IL2RB: variants seen among roughly 807,000 people sequenced by gnomAD.
The protein encoded by IL2RB is interleukin 2 receptor subunit beta, also known as interleukin-2 receptor subunit beta.
IL2RB carries 17 observed loss-of-function variants against 44.2 expected under a neutral mutation model. That is an observed-to-expected ratio of 0.38 (90% CI 0.26 to 0.58). IL2RB has a LOEUF of 0.58. Ranked by LOEUF, IL2RB falls within the 20% of genes least tolerant of loss-of-function variation. The pLI is 0.63. For synonymous variants in IL2RB, 286 were observed against 297.9 expected (o/e 0.96, Z 0.41); for missense variants, 624 against 685.5 (o/e 0.91, Z 1.00).
In IL2RB at chr22:37,135,425, T is replaced by A; in HGVS notation, c.721A>T (p.Ile241Phe). 1 of 1,613,234 alleles carries A rather than the reference T, an allele frequency of 6.2e-7. No homozygotes were observed. The highest frequency in any genetic ancestry group is 8.5e-7 in the Non-Finnish European group (1 of 1,179,318). The change falls in exon 8 of 10, where the codon ATT (isoleucine) becomes TTT (phenylalanine). Residue 241 changes from isoleucine to phenylalanine, a missense_variant. By Grantham distance (21) the Ile-to-Phe change is conservative. Around this residue, in one of 3 missense-constraint regions of IL2RB, gnomAD observed 255 missense variants for 339.9 expected, o/e 0.75. Coordinates refer to ENST00000216223, the MANE Select transcript of IL2RB (RefSeq NM_000878.5). ...ACGAGGAGGTGGCCGAGCCACGGAA[T>A]GGTGTCCTTCCCAAGGGCTGCCCAG... ...TKPAALGKDT[I>F]PWLGHLLVGL...
chr22:37,148,485 C>T (rs1257578420), intron 1 of IL2RB, among the ~76,000 whole-genome samples: 2 of 152,182 alleles, frequency 1.3e-5, no homozygotes, highest in Admixed American at 6.5e-5. Flanking sequence ...GTCACACCCA[C>T]GGATGCCTAC....
In IL2RB at chr22:37,143,644, C is replaced by T; in HGVS notation, c.89-9G>A. 1.2e-6 allele frequency: 2 copies of T among 1,600,462 alleles called. No homozygotes were observed. The highest frequency in any genetic ancestry group is 1.1e-5 in the South Asian group (1 of 90,792). ...TGTGAACTGGGAAGTGCCTGCCGGG[C>T]AAGATGAGGTGTGAGTGCTGACTGT... On this transcript the variant is annotated splice_polypyrimidine_tract_variant and intron_variant, in intron 2 of 9. Coordinates refer to ENST00000216223, the MANE Select transcript of IL2RB (RefSeq NM_000878.5).
chr22:37,164,633 A>G (rs1243040251), intron 1 of IL2RB, among the ~76,000 whole-genome samples: 1 of 152,008 alleles, frequency 6.6e-6, no homozygotes, highest in African/African-American at 2.4e-5. Context: ...TCTCGCTTGA[A>G]ATCACCTCCT....
intron 1 of IL2RB, among the ~76,000 whole-genome samples, chr22:37,167,454 T>C (rs1186568594): frequency 2.6e-5 from 4 of 152,374 alleles, no homozygotes; most frequent in Middle Eastern, 3.4e-3. Flanking sequence ...GCTGCACTTA[T>C]GCAGTATCCA....
At chr22:37,160,899 T>G (rs1027325556) in intron 1 of IL2RB, among the ~76,000 whole-genome samples, 2 of 152,112 alleles carry the variant, frequency 1.3e-5, no homozygotes, top group African/African-American at 4.8e-5. Flanking sequence ...CCCAGCATTT[T>G]GGGAGGCCAA....
chr22:37,158,773 G>A (rs1031620607), intron 1 of IL2RB, among the ~76,000 whole-genome samples: 2 of 152,228 alleles, frequency 1.3e-5, no homozygotes, highest in Non-Finnish European at 2.9e-5. Flanking sequence ...TACCTGCACT[G>A]AGCCACTCAG....
At chr22:37,132,866 G>A (rs1441992247) in intron 8 of IL2RB, among the ~76,000 whole-genome samples, 1 of 152,240 alleles carries the variant, frequency 6.6e-6, no homozygotes, top group Non-Finnish European at 1.5e-5. Flanking sequence ...GGAGGCGGGA[G>A]AGAGGAGATG....
intron 3 of IL2RB, chr22:37,142,858 C>A: frequency 5.0e-6 from 2 of 399,042 alleles, no homozygotes; most frequent in African/African-American, 4.1e-5. Flanking sequence ...CCTTCAGAGC[C>A]GTGTGGAATC....
At position 37,128,161 on chromosome 22, in the gene IL2RB, G is replaced by A; in HGVS notation, c.1591C>T (p.Leu531=). The part of the protein sequence containing the change: ...EFRALNARLP[L]NTDAYLSLQE... The stretch of plus-strand genomic sequence containing the variant: ...AGGGACAAGTAGGCATCAGTGTTCA[G>A]GGGCAGGCGAGCATTAAGGGCCCTG... Residue 531 remains leucine, a synonymous_variant, in exon 10 of 10, where the codon CTG becomes TTG. Transcript: ENST00000216223. This position sits in a 1 kb window ranked among gnomAD's most constrained non-coding sequence, Gnocchi z 4.5. 6.4e-7 allele frequency: 1 copy of A among 1,570,834 alleles called. No individual in the cohort carries two copies.
At chr22:37,166,125 C>A (rs754941103) in intron 1 of IL2RB, among the ~76,000 whole-genome samples, 1 of 152,218 alleles carries the variant, frequency 6.6e-6, no homozygotes, top group African/African-American at 2.4e-5. Flanking sequence ...TGCTCAAGGT[C>A]TCTCTGTTGC....
At chr22:37,134,292 A>G (rs3218312) in intron 8 of IL2RB, among the ~76,000 whole-genome samples, 25,989 of 152,116 alleles carry the variant, frequency 0.17, 2,668 homozygotes, top group East Asian at 0.37. Flanking sequence ...GTTACACGCA[A>G]ATATTCTGCT....
intron 4 of IL2RB, among the ~76,000 whole-genome samples, chr22:37,140,815 C>A (rs1347741834): frequency 6.6e-6 from 1 of 152,166 alleles, no homozygotes; most frequent in African/African-American, 2.4e-5. Context: ...CGGTGAGAAG[C>A]CTGAACTGGG....
At chr22:37,161,122 A>G (rs949575842) in intron 1 of IL2RB, among the ~76,000 whole-genome samples, 4 of 152,254 alleles carry the variant, frequency 2.6e-5, no homozygotes, top group African/African-American at 7.2e-5. Context: ...AGCCTGGGCC[A>G]CAGGCAAGAC....
intron 1 of IL2RB, among the ~76,000 whole-genome samples, chr22:37,148,286 C>T (rs560084097): frequency 1.7e-4 from 26 of 152,182 alleles, no homozygotes; most frequent in Admixed American, 3.3e-4. Context: ...GTCACTGAGG[C>T]TGCACCCTCA....
At position 37,131,367 on chromosome 22, in the gene IL2RB, CA is replaced by C. The variant is rs146931502; in HGVS notation, c.903+1016del. Among the ~76,000 whole-genome samples, 38 of 152,026 alleles carry C rather than the reference CA, an allele frequency of 2.5e-4. No individual in the cohort carries two copies. The East Asian group carries it at 3.9e-3, about 16-fold the overall frequency. Reference sequence around the variant, plus strand: ...CCTCCCTCTGCCCCTACCTCATCCCCACCCCCCAATCTTGGGAGCCTAGAGT... The same window carrying C: ...CCTCCCTCTGCCCCTACCTCATCCCCCCCCCCAATCTTGGGAGCCTAGAGT... On this transcript the variant is annotated intron_variant, in intron 9 of 9. Transcript: ENST00000216223.
chr22:37,146,731 A>T (rs765289574), intron 1 of IL2RB, among the ~76,000 whole-genome samples: 2 of 152,088 alleles, frequency 1.3e-5, no homozygotes, highest in Non-Finnish European at 2.9e-5. Flanking sequence ...CGCTCCAGGG[A>T]CTGCTGAGCA....
In IL2RB at chr22:37,139,208, G is replaced by A. The variant is rs117987928; in HGVS notation, c.297C>T (p.Thr99=). 1.2e-6 allele frequency: 2 copies of A among 1,612,680 alleles called. No homozygotes were observed. The highest frequency in any genetic ancestry group is 2.2e-5 in the East Asian group (1 of 44,860). Residue 99 remains threonine (T), a synonymous_variant, in exon 5 of 10, where the codon ACC becomes ACT. Coordinates refer to ENST00000216223, the MANE Select transcript of IL2RB (RefSeq NM_000878.5). ...ILGAPDSQKL[T]TVDIVTLRVL... ...CCCTCAGGGTGACGATGTCAACTGT[G>A]GTCAGTTTCTGAGACTGCAAGGGAA...
Position 37,128,513 on chromosome 22 carries a change from C to T in IL2RB, c.1239G>A (p.Gly413=). The change falls in exon 10 of 10, where the codon GGG becomes GGA. Residue 413 remains glycine, a synonymous_variant. Transcript: ENST00000216223. The surrounding 1 kb of genome is among the most constrained non-coding windows in gnomAD (Gnocchi z 4.5). ...SSPQPLQPLS[G]EDDAYCTFPS... ...GGAAGGTGCAGTAGGCGTCGTCCTC[C>T]CCTGACAGAGGCTGCAGGGGTTGGG... 3 of 1,612,076 alleles carry T rather than the reference C, an allele frequency of 1.9e-6. No homozygotes were observed. The highest frequency in any genetic ancestry group is 2.5e-6 in the Non-Finnish European group (3 of 1,178,588).
intron 1 of IL2RB, among the ~76,000 whole-genome samples, chr22:37,156,905 T>C (rs1042522798): frequency 6.6e-5 from 10 of 152,110 alleles, no homozygotes; most frequent in Middle Eastern, 3.2e-3. Flanking sequence ...CTCAAGTCCT[T>C]GTGTTCCGCC....
Sources: allele counts gnomAD v4.1 joint callset (sites outside exome capture counted in the v4.1 genomes callset), GRCh38; gene constraint gnomAD v4.1.1; regional missense constraint gnomAD v4.1.1; non-coding constraint Gnocchi (gnomAD v3.1); transcripts MANE v1.5; gene names NCBI Gene and HGNC (gene_info 2026-07-23, HGNC 2026-07-21).